GALNT18: variants seen among roughly 807,000 people sequenced by gnomAD.
GALNT18 encodes polypeptide N-acetylgalactosaminyltransferase 18.
In GALNT18, 44 loss-of-function variants were observed where a neutral mutation model predicts 69.5. That is an observed-to-expected ratio of 0.63 (90% CI 0.50 to 0.81). The LOEUF (loss-of-function observed/expected upper bound fraction) is 0.81. Among genes scored for constraint, GALNT18 ranks in the 40% least tolerant of loss-of-function variants. The probability of loss-of-function intolerance (pLI) is 0.00; values close to 1 mark genes in which losing one functional copy is unlikely to be tolerated. For missense variants in GALNT18, 715 were observed against 810.0 expected (o/e 0.88, Z 1.42); for synonymous variants, 364 against 318.2 (o/e 1.14, Z -1.53).
At position 11,315,034 on chromosome 11, in the gene GALNT18, TTA is replaced by T. The variant is rs1187385975; in HGVS notation, c.1512+12050_1512+12051del. On this transcript the variant is annotated intron_variant, in intron 9 of 10. Coordinates refer to ENST00000227756, the MANE Select transcript of GALNT18 (RefSeq NM_198516.3). This position sits in a 1 kb window ranked among gnomAD's most constrained non-coding sequence, Gnocchi z 5.6. ...TCTAGCAGAGATGGACACATACTAA[TTA>T]TATGTGTGTGTGTGTGTGTGTGTGT... 1.8e-5 allele frequency among the ~76,000 whole-genome samples: 2 copies of T among 110,584 alleles called. No individual in the cohort carries two copies. The highest frequency in any genetic ancestry group is 6.8e-5 in the African/African-American group (2 of 29,422). 72.5% of individuals were successfully genotyped at this position (110,584 alleles called of 152,430 possible).
At chr11:11,384,653 C>T (rs1347651926) in intron 3 of GALNT18, among the ~76,000 whole-genome samples, 1 of 152,166 alleles carries the variant, frequency 6.6e-6, no homozygotes, top group Non-Finnish European at 1.5e-5. Flanking sequence ...AGAGAGTGCT[C>T]TTTTCCTCTT....
intron 1 of GALNT18, among the ~76,000 whole-genome samples, chr11:11,610,946 A>G (rs1859883892): frequency 2.6e-5 from 4 of 152,226 alleles, no homozygotes; most frequent in Admixed American, 2.6e-4. Context: ...TGAACCATAT[A>G]AACACAAAGC....
intron 8 of GALNT18, among the ~76,000 whole-genome samples, chr11:11,327,912 G>A (rs1437259649): frequency 6.6e-6 from 1 of 152,162 alleles, no homozygotes. Context: ...GTGGACCATG[G>A]TGGGCACCAA....
intron 3 of GALNT18, among the ~76,000 whole-genome samples, chr11:11,418,169 CTCAGAG>C (rs1854909774): frequency 6.6e-6 from 1 of 152,172 alleles, no homozygotes; most frequent in Non-Finnish European, 1.5e-5. Context: ...CCCTTCAGTC[CTCAGAG>C]TCATTCACTG....
intron 1 of GALNT18, among the ~76,000 whole-genome samples, chr11:11,464,927 A>G (rs1856123500): frequency 6.6e-6 from 1 of 152,212 alleles, no homozygotes; most frequent in African/African-American, 2.4e-5. Context: ...GGCAACATAA[A>G]CACCGGCTGT....
intron 3 of GALNT18, among the ~76,000 whole-genome samples, chr11:11,385,804 C>T (rs762698503): frequency 8.5e-5 from 13 of 152,166 alleles, no homozygotes; most frequent in Middle Eastern, 3.4e-3. Context: ...CTAATACCTC[C>T]GAATGAGACC....
chr11:11,374,561 C>A (rs1028458643), intron 5 of GALNT18, among the ~76,000 whole-genome samples: 1 of 152,178 alleles, frequency 6.6e-6, no homozygotes, highest in African/African-American at 2.4e-5. Flanking sequence ...CAGGAAGGGA[C>A]CTTCCTCAAA....
chr11:11,289,915 CAG>C (rs1448291133), intron 10 of GALNT18, among the ~76,000 whole-genome samples: 5 of 152,188 alleles, frequency 3.3e-5, no homozygotes, highest in African/African-American at 1.2e-4. Context: ...AGGCTGAACA[CAG>C]AAAGGCTGAG....
At chr11:11,306,634 T>C (rs188600691) in intron 9 of GALNT18, among the ~76,000 whole-genome samples, 9 of 152,332 alleles carry the variant, frequency 5.9e-5, no homozygotes, top group East Asian at 1.9e-4. Context: ...GCCATTCATA[T>C]TGGGGATCCC....
At chr11:11,529,564 T>G (rs12786131) in intron 1 of GALNT18, among the ~76,000 whole-genome samples, 34,892 of 151,968 alleles carry the variant, frequency 0.23, 4,493 homozygotes, top group Non-Finnish European at 0.27. Context: ...CTTACCAATT[T>G]CAGATCTTGG....
rs1470483220 is a variant in GALNT18 at position 11,562,344 on chromosome 11, G to A, written c.235+59015C>T. ...GTGTCCATGTTTCCCCTTTAGATGT[G>A]CACACCCGTCATATTGGATTGGGGC... On this transcript the variant is annotated intron_variant, in intron 1 of 10. Coordinates refer to ENST00000227756, the MANE Select transcript of GALNT18 (RefSeq NM_198516.3). The surrounding 1 kb of genome is among the most constrained non-coding windows in gnomAD (Gnocchi z 4.1). Among the ~76,000 whole-genome samples, 1 of 151,988 alleles carries A rather than the reference G, an allele frequency of 6.6e-6. No individual in the cohort carries two copies. Among genetic ancestry groups the A allele is most frequent in the Non-Finnish European group, 1.5e-5 (1 of 67,996 alleles).
At chr11:11,412,077 C>T (rs569588023) in intron 3 of GALNT18, among the ~76,000 whole-genome samples, 4 of 152,292 alleles carry the variant, frequency 2.6e-5, no homozygotes, top group East Asian at 1.9e-4. Context: ...GCCAGCAAAA[C>T]GGATCTGGAT....
At chr11:11,572,569 C>T (rs1858818697) in intron 1 of GALNT18, among the ~76,000 whole-genome samples, 1 of 152,204 alleles carries the variant, frequency 6.6e-6, no homozygotes, top group Admixed American at 6.5e-5. Flanking sequence ...AGTGCTGTGT[C>T]TGTGTGAGAA....
intron 10 of GALNT18, among the ~76,000 whole-genome samples, chr11:11,271,612 G>A (rs1399559831): frequency 3.9e-5 from 6 of 152,186 alleles, no homozygotes; most frequent in Non-Finnish European, 8.8e-5. Flanking sequence ...CAGGGGCTGG[G>A]TCCTTTCTCT....
chr11:11,588,030 C>T (rs1470323808), intron 1 of GALNT18, among the ~76,000 whole-genome samples: 1 of 152,040 alleles, frequency 6.6e-6, no homozygotes. Context: ...TAACCCTTTC[C>T]CCAACTTTCT....
intron 1 of GALNT18, among the ~76,000 whole-genome samples, chr11:11,579,741 G>A (rs1013810577): frequency 6.6e-6 from 1 of 152,212 alleles, no homozygotes; most frequent in Non-Finnish European, 1.5e-5. Flanking sequence ...GTGCTCTAAG[G>A]CCATGCCAAC....
intron 1 of GALNT18, among the ~76,000 whole-genome samples, chr11:11,594,846 TATAC>T (rs1218131217): frequency 1.2e-5 from 1 of 82,884 alleles, no homozygotes; most frequent in Admixed American, 1.1e-4. Context: ...TATATACACA[TATAC>T]ATACATACAC....
intron 1 of GALNT18, among the ~76,000 whole-genome samples, chr11:11,525,419 C>T (rs898177212): frequency 1.3e-5 from 2 of 151,914 alleles, no homozygotes; most frequent in East Asian, 1.9e-4. Context: ...TCTGAAACAG[C>T]GATAGTAAAA....
chr11:11,282,309 G>A (rs572609335), intron 10 of GALNT18, among the ~76,000 whole-genome samples: 126 of 152,314 alleles, frequency 8.3e-4, no homozygotes, highest in Middle Eastern at 3.4e-3. Flanking sequence ...ACTTCTGCCT[G>A]CAGGTTCTGC....
Sources: allele counts gnomAD v4.1 joint callset (sites outside exome capture counted in the v4.1 genomes callset), GRCh38; gene constraint gnomAD v4.1.1; non-coding constraint Gnocchi (gnomAD v3.1); transcripts MANE v1.5; gene names NCBI Gene and HGNC (gene_info 2026-07-23, HGNC 2026-07-21).